Variants in HDAC9 observed in about 807,000 individuals in gnomAD.
HDAC9 encodes the protein histone deacetylase 9, also known as MEF-2 interacting transcription repressor (MITR) protein.
In HDAC9, 41 loss-of-function variants were observed where a neutral mutation model predicts 139.4. The ratio of observed to expected loss-of-function variants is 0.29; its 90% confidence interval spans 0.23 to 0.38. HDAC9 has a LOEUF of 0.38. Among genes scored for constraint, HDAC9 ranks in the 10% least tolerant of loss-of-function variants. The pLI, the probability that HDAC9 is intolerant of heterozygous loss-of-function variation, is 1.00. For synonymous variants in HDAC9, 517 were observed against 476.2 expected (o/e 1.09, Z -1.12); for missense variants, 1,147 against 1,297.0 (o/e 0.88, Z 1.78).
At chr7:18,538,549 G>A (rs1034161692) in intron 2 of HDAC9, among the ~76,000 whole-genome samples, 1 of 152,180 alleles carries the variant, frequency 6.6e-6, no homozygotes, top group Non-Finnish European at 1.5e-5. Context: ...TAACGGCCAT[G>A]AGCCTTAATT....
chr7:18,197,501 T>C lies in HDAC9; in HGVS notation c.25+35152T>C, dbSNP rs147093684. 3.9e-5 allele frequency among the ~76,000 whole-genome samples: 6 copies of C among 152,284 alleles called. No individual in the cohort carries two copies. In the East Asian group the frequency reaches 1.2e-3, roughly 29 times the overall value. On this transcript the variant is annotated intron_variant, in intron 2 of 12. Transcript: ENST00000417496. ...GGTAGCTTGTGTGGGTGAGGCTGGA[T>C]GTTGCATCTTTGAATCATCTACAAG...
chr7:18,397,603 A>G (rs921950973), intron 1 of HDAC9, among the ~76,000 whole-genome samples: 1 of 152,216 alleles, frequency 6.6e-6, no homozygotes, highest in Admixed American at 6.5e-5. Context: ...TTTAATGTTA[A>G]CTAAACCAGA....
At chr7:18,300,393 A>G (rs1292359871) in intron 1 of HDAC9, among the ~76,000 whole-genome samples, 1 of 152,102 alleles carries the variant, frequency 6.6e-6, no homozygotes, top group Non-Finnish European at 1.5e-5. Context: ...GCTTTCTTCT[A>G]TACATGTCAG....
At chr7:18,696,226 A>G (rs2129100991) in intron 12 of HDAC9, among the ~76,000 whole-genome samples, 1 of 151,842 alleles carries the variant, frequency 6.6e-6, no homozygotes, top group South Asian at 2.1e-4. Flanking sequence ...CAAACTAATC[A>G]CTGAAATAGA....
intron 2 of HDAC9, among the ~76,000 whole-genome samples, chr7:18,200,162 T>C (rs1469824223): frequency 6.6e-6 from 1 of 152,220 alleles, no homozygotes; most frequent in African/African-American, 2.4e-5. Context: ...ACTTATCTCA[T>C]TGAAACAATT....
At chr7:18,971,016 C>T (rs897742153) in intron 24 of HDAC9, among the ~76,000 whole-genome samples, 18 of 152,182 alleles carry the variant, frequency 1.2e-4, no homozygotes, top group African/African-American at 3.9e-4. Context: ...CAAGAACAAT[C>T]TGGTTTATAC....
At chr7:18,959,744 G>T (rs1056800972) in intron 24 of HDAC9, among the ~76,000 whole-genome samples, 7 of 152,084 alleles carry the variant, frequency 4.6e-5, no homozygotes, top group African/African-American at 1.7e-4. Context: ...AATCCTAAAA[G>T]AACAGTAAGA....
intron 12 of HDAC9, among the ~76,000 whole-genome samples, chr7:18,711,955 G>A (rs2129114311): frequency 1.3e-5 from 2 of 148,482 alleles, no homozygotes; most frequent in African/African-American, 5.0e-5. Context: ...TTTCCTTCGG[G>A]AAAACAGTCA....
At chr7:18,217,239 A>G (rs1792382912) in intron 2 of HDAC9, among the ~76,000 whole-genome samples, 1 of 151,930 alleles carries the variant, frequency 6.6e-6, no homozygotes, top group Admixed American at 6.6e-5. Flanking sequence ...TAATTCTTTT[A>G]TTCTTTTCTG....
At chr7:18,877,254 A>G (rs546710054) in intron 22 of HDAC9, among the ~76,000 whole-genome samples, 1 of 152,248 alleles carries the variant, frequency 6.6e-6, no homozygotes, top group East Asian at 1.9e-4. Flanking sequence ...GTTGTTCCCT[A>G]AAACACTCCC....
At chr7:18,629,786 T>C (rs1781781346) in intron 7 of HDAC9, among the ~76,000 whole-genome samples, 1 of 152,138 alleles carries the variant, frequency 6.6e-6, no homozygotes. Flanking sequence ...ACCAGGAGAA[T>C]ATAATTTTTA....
At chr7:18,798,200 G>A (rs1008912420) in intron 17 of HDAC9, among the ~76,000 whole-genome samples, 1 of 152,098 alleles carries the variant, frequency 6.6e-6, no homozygotes, top group Non-Finnish European at 1.5e-5. Context: ...AATTTCAGGA[G>A]GTAATGCCAA....
chr7:18,842,212 A>G (rs1284993573), intron 21 of HDAC9, among the ~76,000 whole-genome samples: 2 of 152,118 alleles, frequency 1.3e-5, no homozygotes, highest in African/African-American at 4.8e-5. Flanking sequence ...TCATGATATC[A>G]TGTATTTTCC....
At chr7:18,552,054 G>C (rs1817327508) in intron 2 of HDAC9, among the ~76,000 whole-genome samples, 1 of 152,030 alleles carries the variant, frequency 6.6e-6, no homozygotes, top group Non-Finnish European at 1.5e-5. Flanking sequence ...TAAGCATTTG[G>C]CTTGGAATTA....
intron 7 of HDAC9, among the ~76,000 whole-genome samples, chr7:18,634,346 T>C (rs1371980601): frequency 1.3e-5 from 2 of 151,854 alleles, no homozygotes; most frequent in Non-Finnish European, 2.9e-5. Flanking sequence ...TTTTTTTTTT[T>C]TCTCATTCAA....
rs188704782 is a variant in HDAC9 at position 18,437,710 on chromosome 7, C to T, written c.-41-58552C>T. Among the ~76,000 whole-genome samples the T allele has an allele frequency of 7.9e-5, 12 of 151,730 alleles. No individual in the cohort carries two copies. The East Asian group carries it at 2.3e-3, about 29-fold the overall frequency. Reference sequence around the variant, plus strand: ...ATGCCCTTAACTGTTAGCATCATCACTGTAATGCAGGCAAAGATAATTTAT... The same window carrying T: ...ATGCCCTTAACTGTTAGCATCATCATTGTAATGCAGGCAAAGATAATTTAT... On this transcript the variant is annotated intron_variant, in intron 1 of 3. Transcript: ENST00000413509.
chr7:18,803,095 A>C (rs554784828), intron 17 of HDAC9, among the ~76,000 whole-genome samples: 1 of 151,828 alleles, frequency 6.6e-6, no homozygotes. Flanking sequence ...TAATTAAATT[A>C]GTTTATTTTT....
intron 2 of HDAC9, among the ~76,000 whole-genome samples, chr7:18,499,866 T>G (rs1248456107): frequency 6.6e-6 from 1 of 152,176 alleles, no homozygotes; most frequent in African/African-American, 2.4e-5. Context: ...TGTATGGTGT[T>G]GAGGGGAAGG....
At chr7:18,824,505 G>A (rs939409297) in intron 17 of HDAC9, among the ~76,000 whole-genome samples, 2 of 152,206 alleles carry the variant, frequency 1.3e-5, no homozygotes, top group Non-Finnish European at 2.9e-5. Context: ...TCCCAGTGCA[G>A]ATGAAGCTAT....
Sources: allele counts gnomAD v4.1 joint callset (sites outside exome capture counted in the v4.1 genomes callset), GRCh38; gene constraint gnomAD v4.1.1; transcripts MANE v1.5; gene names NCBI Gene and HGNC (gene_info 2026-07-23, HGNC 2026-07-21).